The following CDKN2AIP variants were observed in gnomAD, a reference collection of about 807,000 sequenced individuals.
CDKN2AIP encodes the protein CDKN2A interacting protein.
CDKN2AIP carries 12 observed loss-of-function variants against 44.1 expected under a neutral mutation model. The observed-to-expected ratio is 0.27, with a 90% CI of 0.17 to 0.44. The LOEUF (loss-of-function observed/expected upper bound fraction) is 0.44, where lower values mean the gene tolerates loss of function less well. Ranked by LOEUF, CDKN2AIP falls within the 20% of genes least tolerant of loss-of-function variation. The probability of loss-of-function intolerance (pLI) is 1.00; values close to 1 mark genes in which losing one functional copy is unlikely to be tolerated. For missense variants in CDKN2AIP, 705 were observed against 681.6 expected, an observed-to-expected ratio of 1.03 and a Z score of -0.38; for synonymous variants, 291 against 272.1, an observed-to-expected ratio of 1.07 and a Z score of -0.68.
Position 183,444,692 on chromosome 4 carries a change from G to C in CDKN2AIP, c.-106G>C, listed in dbSNP as rs1188077090. On this transcript the variant is annotated 5_prime_UTR_variant, in exon 1 of 3. Transcript: ENST00000504169. ...GTTTGGTCTTTAGGCCTGCGGAGGG[G>C]CGTTATCTGGAGGGCCGCGGGTGCA... is the stretch of plus-strand genomic sequence containing the variant. The C allele has an allele frequency of 1.7e-6, 2 of 1,156,478 alleles. No homozygotes were observed. Among genetic ancestry groups the C allele is most frequent in the Admixed American group, 5.9e-5 (2 of 33,640 alleles). The allele number at this position is 1,156,478 out of a possible 1,614,324, so 71.6% of individuals were successfully genotyped here. A position where few individuals can be genotyped will look rare whatever the true frequency, so the allele number is the denominator to read the frequency against.
chr4:183,444,752 C>T lies in CDKN2AIP; in HGVS notation c.-46C>T. 2 of 1,475,298 alleles carry T rather than the reference C, an allele frequency of 1.4e-6. No homozygotes were observed. Among genetic ancestry groups the T allele is most frequent in the South Asian group, 2.7e-5 (2 of 73,886 alleles). The allele number at this position is 1,475,298 out of a possible 1,614,324, so 91.4% of individuals were successfully genotyped here. On this transcript the variant is annotated 5_prime_UTR_variant, in exon 1 of 3. Transcript: ENST00000504169. ...GACAGGGCCGCTCGCCCCGCTAGTC[C>T]TGCCTGTCTCCCGGTGCAGCTGTGT...
In CDKN2AIP at chr4:183,448,834, C is replaced by G. The variant is rs963692170; in HGVS notation, c.*1407C>G. ...AGATGTTTTAATTTTACCATATAAC[C>G]TTTAAAAATGATTCATTTTTGAGGA... On this transcript the variant is annotated 3_prime_UTR_variant, in exon 3 of 3. Coordinates refer to ENST00000504169, the MANE Select transcript of CDKN2AIP (RefSeq NM_017632.4). Among the ~76,000 whole-genome samples, 4 of 151,872 alleles carry G rather than the reference C, an allele frequency of 2.6e-5. No homozygotes were observed. The highest frequency in any genetic ancestry group is 6.6e-5 in the Admixed American group (1 of 15,216).
At position 183,446,475 on chromosome 4, in the gene CDKN2AIP, A is replaced by G. The variant is rs1340262243; in HGVS notation, c.791A>G (p.Gln264Arg). The stretch of plus-strand genomic sequence containing the variant: ...ATGACCCAATCCACTGATTCTAGAC[A>G]ACAAAGTGGATCACCTAAAAAGAGT... ...SHMTQSTDSR[Q>R]QSGSPKKSAL... Residue 264 changes from glutamine (Q) to arginine (R), a missense_variant, in exon 3 of 3, where the codon CAA becomes CGA. Around this residue, in one of 2 missense-constraint regions of CDKN2AIP, gnomAD observed 592 missense variants for 518.0 expected, o/e 1.14. Coordinates refer to ENST00000504169, the MANE Select transcript of CDKN2AIP (RefSeq NM_017632.4). The G allele has an allele frequency of 6.2e-6, 10 of 1,613,672 alleles. No homozygotes were observed. The highest frequency in any genetic ancestry group is 8.5e-6 in the Non-Finnish European group (10 of 1,179,666).
rs1243529192 is a variant in CDKN2AIP, at chr4:183,445,009, A to T, written c.212A>T (p.Gln71Leu). The T allele has an allele frequency of 6.2e-7, 1 of 1,601,252 alleles. No homozygotes were observed. Among genetic ancestry groups the T allele is most frequent in the South Asian group, 1.1e-5 (1 of 89,854 alleles). Residue 71 changes from glutamine to leucine, a missense_variant, in exon 1 of 3, where the codon CAG (glutamine) becomes CTG (leucine). Around this residue, in one of 2 missense-constraint regions of CDKN2AIP, gnomAD observed 592 missense variants for 518.0 expected, o/e 1.14. Coordinates refer to ENST00000504169, the MANE Select transcript of CDKN2AIP (RefSeq NM_017632.4). ...GCCGAGAGCGGGACCCGAAACCGGC[A>T]GCTGCAGCAGCTCATCTCCTTTTCC... is the stretch of plus-strand genomic sequence containing the variant. ...ADAESGTRNRQLQQLISFSMA... is the reference protein window; with the variant it reads ...ADAESGTRNRLLQQLISFSMA...
intron 1 of CDKN2AIP, 111 bp downstream of exon 1, chr4:183,445,180 G>A: frequency 1.5e-6 from 2 of 1,369,328 alleles, no homozygotes; most frequent in East Asian, 4.7e-5. Flanking sequence ...AAGTTGTGAA[G>A]CGCGGGAATC....
Position 183,447,331 on chromosome 4 carries a change from C to G in CDKN2AIP, c.1647C>G (p.Tyr549Ter). The change falls in exon 3 of 3, where the codon TAC (tyrosine) becomes TAG (stop). Residue 549 changes from tyrosine (Y) to a stop codon, truncating the protein, a stop_gained. Transcript: ENST00000504169. LOFTEE classifies it high-confidence loss of function. ...KVVVKICKRK[Y>*]RGSEIEDLVL... ...TGGTAAAAATATGTAAAAGGAAATA[C>G]AGAGGCAGTGAAATAGAAGATCTAG... 2 of 1,609,528 alleles carry G rather than the reference C, an allele frequency of 1.2e-6. No individual in the cohort carries two copies. Among genetic ancestry groups the G allele is most frequent in the Non-Finnish European group, 1.7e-6 (2 of 1,177,808 alleles).
intron 2 of CDKN2AIP, 153 bp from the exon 3 acceptor site, chr4:183,445,933 ACT>A (rs1004500482): frequency 8.8e-6 from 6 of 682,368 alleles, no homozygotes; most frequent in Middle Eastern, 3.8e-4. Flanking sequence ...GTTATTCAAC[ACT>A]GTTTTAAGAA....
chr4:183,446,279 C>A lies in CDKN2AIP; in HGVS notation c.595C>A (p.Gln199Lys). The change falls in exon 3 of 3, where the codon CAG becomes AAG. Residue 199 changes from glutamine (Q) to lysine (K), a missense_variant. Gln to Lys is a moderately conservative substitution (Grantham distance 53). Coordinates refer to ENST00000504169, the MANE Select transcript of CDKN2AIP (RefSeq NM_017632.4). ...AGCTCGGAGCTCTGGCATCTCCAGTCAGAATAGCTCTACAAGTGATGGAGA... is the reference window on the plus strand; with the variant it reads ...AGCTCGGAGCTCTGGCATCTCCAGTAAGAATAGCTCTACAAGTGATGGAGA... ...NSARSSGISS[Q>K]NSSTSDGDRS... 6.2e-7 allele frequency: 1 copy of A among 1,613,914 alleles called. No individual in the cohort carries two copies.
rs767927562 is a variant in CDKN2AIP, at chr4:183,446,357, G to A, written c.673G>A (p.Ala225Thr). 6 of 1,613,892 alleles carry A rather than the reference G, an allele frequency of 3.7e-6. No individual in the cohort carries two copies. In the African/African-American group the frequency reaches 5.3e-5, roughly 14 times the overall value. The change falls in exon 3 of 3, where the codon GCA becomes ACA. Residue 225 changes from alanine (A) to threonine (T), a missense_variant. Coordinates refer to ENST00000504169, the MANE Select transcript of CDKN2AIP (RefSeq NM_017632.4). ...CAGCGTTTCCTCTCAGGTAACAACG[G>A]CAGGATCTGGGAAAGCTTCTGAAGC... ...SSSVSSQVTT[A>T]GSGKASEAEA... is the part of the protein sequence containing the mutation.
Position 183,447,453 on chromosome 4 carries a change from A to G in CDKN2AIP, c.*26A>G, listed in dbSNP as rs1733707809. The G allele has an allele frequency of 6.9e-7, 1 of 1,459,408 alleles. No homozygotes were observed. Among genetic ancestry groups the G allele is most frequent in the Non-Finnish European group, 9.2e-7 (1 of 1,091,670 alleles). The allele number at this position is 1,459,408 out of a possible 1,614,324, so 90.4% of individuals were successfully genotyped here. ...TGTGTCCAAAATATCACTGCATACA[A>G]TATCTGGTATTTGAAGAGAAAAACT... On this transcript the variant is annotated 3_prime_UTR_variant, in exon 3 of 3. Coordinates refer to ENST00000504169, the MANE Select transcript of CDKN2AIP (RefSeq NM_017632.4).
chr4:183,445,436 T>A, intron 1 of CDKN2AIP, 99 bp from the exon 2 acceptor site: 1 of 966,178 alleles, frequency 1.0e-6, no homozygotes, highest in Non-Finnish European at 1.6e-6. Flanking sequence ...TTCACTTTCT[T>A]GATTGCAGCC....
In CDKN2AIP at chr4:183,445,606, A is replaced by G; in HGVS notation, c.344A>G (p.Tyr115Cys). 6.2e-7 allele frequency: 1 copy of G among 1,609,282 alleles called. No individual in the cohort carries two copies. The highest frequency in any genetic ancestry group is 8.5e-7 in the Non-Finnish European group (1 of 1,175,514). ...EGIKVTDAPT[Y>C]TTRDELVAKV... ...ATCAAAGTGACAGATGCTCCAACCT[A>G]TACAACAAGAGATGAACTGGTTGCC... The change falls in exon 2 of 3, where the codon TAT becomes TGT. Residue 115 changes from tyrosine (Y) to cysteine (C), a missense_variant. By Grantham distance (194) the Tyr-to-Cys change is radical. Around this residue, in one of 2 missense-constraint regions of CDKN2AIP, gnomAD observed 592 missense variants for 518.0 expected, o/e 1.14. Coordinates refer to ENST00000504169, the MANE Select transcript of CDKN2AIP (RefSeq NM_017632.4).
rs769781168 is a variant in CDKN2AIP at position 183,447,445 on chromosome 4, T to A, written c.*18T>A. The stretch of plus-strand genomic sequence containing the variant: ...TACTATAATGTGTCCAAAATATCAC[T>A]GCATACAATATCTGGTATTTGAAGA... On this transcript the variant is annotated 3_prime_UTR_variant, in exon 3 of 3. Coordinates refer to ENST00000504169, the MANE Select transcript of CDKN2AIP (RefSeq NM_017632.4). 1.3e-6 allele frequency: 2 copies of A among 1,484,136 alleles called. No individual in the cohort carries two copies. The highest frequency in any genetic ancestry group is 4.6e-5 in the East Asian group (2 of 43,730). 91.9% of individuals were successfully genotyped at this position (1,484,136 alleles called of 1,614,324 possible).
intron 2 of CDKN2AIP, 27 bp downstream of exon 2, chr4:183,445,692 C>T (rs200329502): frequency 3.5e-5 from 56 of 1,581,982 alleles, no homozygotes; most frequent in African/African-American, 2.7e-4. Flanking sequence ...TGTGAACATA[C>T]ATAGGAGTTT....
chr4:183,445,459 C>G (rs1042188656), intron 1 of CDKN2AIP, 76 bp from the exon 2 acceptor site: 2 of 1,108,168 alleles, frequency 1.8e-6, no homozygotes, highest in Middle Eastern at 2.4e-4. Context: ...GAAATGCAGT[C>G]CCTGTGGCCT....
chr4:183,446,517 C>T lies in CDKN2AIP; in HGVS notation c.833C>T (p.Ser278Leu), dbSNP rs1363870597. The T allele has an allele frequency of 1.2e-6, 2 of 1,613,388 alleles. No homozygotes were observed. The highest frequency in any genetic ancestry group is 1.3e-5 in the African/African-American group (1 of 74,902). Residue 278 changes from serine to leucine, a missense_variant, in exon 3 of 3, where the codon TCA (serine) becomes TTA (leucine). By Grantham distance (145) the Ser-to-Leu change is moderately radical (BLOSUM62 -2). Coordinates refer to ENST00000504169, the MANE Select transcript of CDKN2AIP (RefSeq NM_017632.4). ...AAAAAGAGTGCTTTGGAAGGCTCTT[C>T]AGCCTCAGCTTCTCAAAGCAGCTCA... is the stretch of plus-strand genomic sequence containing the variant. Reference protein sequence around the residue: ...SPKKSALEGSSASASQSSSEI... With the variant: ...SPKKSALEGSLASASQSSSEI...
chr4:183,444,970 A>G lies in CDKN2AIP; in HGVS notation c.173A>G (p.Asp58Gly), dbSNP rs772109766. 4.3e-5 allele frequency: 69 copies of G among 1,610,214 alleles called. No individual in the cohort carries two copies. In the South Asian group the frequency reaches 6.7e-4, roughly 16 times the overall value. Reference sequence around the variant, plus strand: ...GGCGGCGCTGCCTCCGCTAGCACGGATGAAGCTGCCGACGCCGAGAGCGGG... The same window carrying G: ...GGCGGCGCTGCCTCCGCTAGCACGGGTGAAGCTGCCGACGCCGAGAGCGGG... The part of the protein sequence containing the change: ...PAGGAASAST[D>G]EAADAESGTR... Residue 58 changes from aspartate (D) to glycine (G), a missense_variant, in exon 1 of 3, where the codon GAT (aspartate) becomes GGT (glycine). Asp to Gly is a moderately conservative substitution (Grantham distance 94). Transcript: ENST00000504169.
chr4:183,445,593 G>T lies in CDKN2AIP; in HGVS notation c.331G>T (p.Asp111Tyr). 6.2e-7 allele frequency: 1 copy of T among 1,609,662 alleles called. No individual in the cohort carries two copies. Among genetic ancestry groups the T allele is most frequent in the Non-Finnish European group, 8.5e-7 (1 of 1,175,938 alleles). ...LSMAEGIKVTDAPTYTTRDEL... is the reference protein window; with the variant it reads ...LSMAEGIKVTYAPTYTTRDEL... ...TATGGCTGAAGGCATCAAAGTGACA[G>T]ATGCTCCAACCTATACAACAAGAGA... The change falls in exon 2 of 3, where the codon GAT becomes TAT. Residue 111 changes from aspartate to tyrosine, a missense_variant. Transcript: ENST00000504169.
At position 183,444,710 on chromosome 4, in the gene CDKN2AIP, C is replaced by T. The variant is rs917986586; in HGVS notation, c.-88C>T. The T allele has an allele frequency of 9.7e-6, 13 of 1,337,668 alleles. No individual in the cohort carries two copies. The highest frequency in any genetic ancestry group is 3.0e-5 in the African/African-American group (2 of 66,228). The allele number at this position is 1,337,668 out of a possible 1,614,324, so 82.9% of individuals were successfully genotyped here. A position where few individuals can be genotyped will look rare whatever the true frequency, so the allele number is the denominator to read the frequency against. ...CGGAGGGGCGTTATCTGGAGGGCCG[C>T]GGGTGCAGGCCGCAGTGACAGGGCC... On this transcript the variant is annotated 5_prime_UTR_variant, in exon 1 of 3. Coordinates refer to ENST00000504169, the MANE Select transcript of CDKN2AIP (RefSeq NM_017632.4).
Sources: gnomAD v4.1 joint callset for allele counts (sites outside exome capture counted in the v4.1 genomes callset) on GRCh38, gnomAD v4.1.1 for gene constraint, gnomAD v4.1.1 regional missense constraint, MANE v1.5 for transcripts, NCBI Gene and HGNC (gene_info 2026-07-23, HGNC 2026-07-21) for gene names.